SSBP2: variants seen among roughly 807,000 people sequenced by gnomAD.
SSBP2 encodes single-stranded DNA-binding protein 2.
A neutral mutation model predicts 61.8 loss-of-function variants in SSBP2; 17 were observed. That is an observed-to-expected ratio of 0.28 (90% CI 0.19 to 0.41). The LOEUF (loss-of-function observed/expected upper bound fraction) is 0.41, where lower values mean the gene tolerates loss of function less well. Ranked by LOEUF, SSBP2 falls within the 10% of genes least tolerant of loss-of-function variation. The probability of loss-of-function intolerance (pLI) is 1.00; values close to 1 mark genes in which losing one functional copy is unlikely to be tolerated. For missense variants in SSBP2, 310 were observed against 458.7 expected, an observed-to-expected ratio of 0.68 and a Z score of 2.96; for synonymous variants, 139 against 141.3, an observed-to-expected ratio of 0.98 and a Z score of 0.12.
chr5:81,543,673 A>G (rs924281201), intron 4 of SSBP2, among the ~76,000 whole-genome samples: 2 of 152,214 alleles, frequency 1.3e-5, no homozygotes, highest in Non-Finnish European at 2.9e-5. Context: ...TTGAAAAAAA[A>G]GAATTCCTAT....
intron 2 of SSBP2, among the ~76,000 whole-genome samples, chr5:81,648,454 C>G (rs1749458020): frequency 2.6e-5 from 4 of 152,000 alleles, no homozygotes; most frequent in Admixed American, 2.6e-4. Flanking sequence ...TTCACATATA[C>G]TAGTTAATTA....
chr5:81,485,089 T>C (rs1002741154), intron 6 of SSBP2, among the ~76,000 whole-genome samples: 1 of 152,304 alleles, frequency 6.6e-6, no homozygotes, highest in Non-Finnish European at 1.5e-5. Flanking sequence ...TTTTTCTGAT[T>C]GCATATTTTA....
chr5:81,481,655 T>C (rs1000961548), intron 6 of SSBP2, among the ~76,000 whole-genome samples: 2 of 149,668 alleles, frequency 1.3e-5, no homozygotes, highest in African/African-American at 2.5e-5. Flanking sequence ...GTAAAATTAC[T>C]CCTTGATTCA....
intron 3 of SSBP2, among the ~76,000 whole-genome samples, chr5:81,632,164 G>T (rs539063771): frequency 2.1e-4 from 32 of 152,060 alleles, no homozygotes; most frequent in Non-Finnish European, 2.8e-4. Context: ...AATGTCTTAC[G>T]CATTTCTTTT....
rs148405179 is a variant in SSBP2, at chr5:81,551,766, T to C, written c.283-38049A>G. On this transcript the variant is annotated intron_variant, in intron 4 of 16. Transcript: ENST00000320672. ...TTAAGTTTTGTGGAATGTAAAAATG[T>C]ATACTTTATTAAATTTAGAGACAGT... Among the ~76,000 whole-genome samples, 8 of 152,314 alleles carry C rather than the reference T, an allele frequency of 5.3e-5. No homozygotes were observed. The East Asian group carries it at 1.5e-3, about 29-fold the overall frequency.
chr5:81,693,160 C>T (rs1310480230), intron 1 of SSBP2, among the ~76,000 whole-genome samples: 2 of 146,130 alleles, frequency 1.4e-5, no homozygotes, highest in Admixed American at 7.0e-5. Flanking sequence ...GCCTAGATCA[C>T]GCCACTGCAC....
intron 4 of SSBP2, among the ~76,000 whole-genome samples, chr5:81,514,169 A>G (rs950935851): frequency 2.0e-5 from 3 of 152,256 alleles, no homozygotes; most frequent in African/African-American, 2.4e-5. Flanking sequence ...TTTATGTCAT[A>G]AACAAGTATA....
intron 4 of SSBP2, among the ~76,000 whole-genome samples, chr5:81,594,889 A>C (rs1324063553): frequency 2.6e-5 from 4 of 152,202 alleles, no homozygotes; most frequent in Non-Finnish European, 4.4e-5. Context: ...AAGAGAAAGC[A>C]GGAAAGATCT....
chr5:81,648,203 C>T (rs999444260), intron 2 of SSBP2, among the ~76,000 whole-genome samples: 1 of 152,026 alleles, frequency 6.6e-6, no homozygotes, highest in Admixed American at 6.6e-5. Flanking sequence ...ATCCTTTTTG[C>T]AATCTCAATC....
At chr5:81,641,872 T>C (rs935388156) in intron 2 of SSBP2, among the ~76,000 whole-genome samples, 2 of 151,926 alleles carry the variant, frequency 1.3e-5, no homozygotes, top group African/African-American at 4.8e-5. Context: ...TTTTTCAAGA[T>C]GGAAATTTGG....
chr5:81,507,422 A>G (rs747960376), intron 5 of SSBP2, among the ~76,000 whole-genome samples: 1 of 152,202 alleles, frequency 6.6e-6, no homozygotes, highest in Non-Finnish European at 1.5e-5. Context: ...TAATAAAACT[A>G]AAGATCTAGT....
Position 81,415,191 on chromosome 5 carries a change from C to T in SSBP2, c.*5313G>A, listed in dbSNP as rs1761257962. On this transcript the variant is annotated 3_prime_UTR_variant, in exon 17 of 17. Coordinates refer to ENST00000320672, the MANE Select transcript of SSBP2 (RefSeq NM_012446.5). The stretch of plus-strand genomic sequence containing the variant: ...CTACTTTTGGCAAATATATGGCAAC[C>T]TTGTCCCCCATACTGGATTACTCCC... The T allele has an allele frequency of 6.6e-6, 1 of 152,188 alleles. No homozygotes were observed. The highest frequency in any genetic ancestry group is 1.5e-5 in the Non-Finnish European group (1 of 68,030). The allele number at this position is 152,188 out of a possible 1,614,324, so 9.4% of individuals were successfully genotyped here.
intron 1 of SSBP2, among the ~76,000 whole-genome samples, chr5:81,690,893 C>T (rs535177755): frequency 1.3e-5 from 2 of 152,146 alleles, no homozygotes; most frequent in South Asian, 4.2e-4. Flanking sequence ...TGAAATAAAA[C>T]CAGAACTCGG....
chr5:81,466,191 C>T lies in SSBP2; in HGVS notation c.638+783G>A, dbSNP rs781257846. On this transcript the variant is annotated intron_variant, in intron 9 of 16. Coordinates refer to ENST00000320672, the MANE Select transcript of SSBP2 (RefSeq NM_012446.5). ...ATTTTCTTTAGGCCACATCATGAAA[C>T]TGATCCTCTTGTGAATTAATGAAAG... is the stretch of plus-strand genomic sequence containing the variant. Among the ~76,000 whole-genome samples the T allele has an allele frequency of 2.1e-4, 32 of 152,108 alleles. 1 individual carries two copies. Among genetic ancestry groups the T allele is most frequent in the Non-Finnish European group, 3.7e-4 (25 of 67,916 alleles).
chr5:81,524,523 A>T (rs940197051), intron 4 of SSBP2, among the ~76,000 whole-genome samples: 1 of 152,014 alleles, frequency 6.6e-6, no homozygotes, highest in Non-Finnish European at 1.5e-5. Flanking sequence ...CTCCTAAATG[A>T]CTATTTCATT....
chr5:81,570,545 G>C (rs2153443812), intron 4 of SSBP2, among the ~76,000 whole-genome samples: 1 of 152,290 alleles, frequency 6.6e-6, no homozygotes, highest in African/African-American at 2.4e-5. Context: ...CGACCAATCA[G>C]AGATGCTGTG....
intron 10 of SSBP2, among the ~76,000 whole-genome samples, chr5:81,459,857 T>C (rs1040035413): frequency 6.6e-6 from 1 of 152,186 alleles, no homozygotes; most frequent in African/African-American, 2.4e-5. Flanking sequence ...AAAGGTACTC[T>C]ATTCCAACAC....
At chr5:81,480,892 C>T (rs964312796) in intron 6 of SSBP2, among the ~76,000 whole-genome samples, 1 of 152,178 alleles carries the variant, frequency 6.6e-6, no homozygotes, top group Non-Finnish European at 1.5e-5. Flanking sequence ...AATTCTAAAT[C>T]CTTTGTTGTC....
At chr5:81,612,934 G>A (rs991717380) in intron 4 of SSBP2, among the ~76,000 whole-genome samples, 2 of 151,826 alleles carry the variant, frequency 1.3e-5, no homozygotes, top group African/African-American at 4.8e-5. Flanking sequence ...ATATTTACAT[G>A]TTAGAAATAA....
Sources: allele counts gnomAD v4.1 joint callset (sites outside exome capture counted in the v4.1 genomes callset), GRCh38; gene constraint gnomAD v4.1.1; transcripts MANE v1.5; gene names NCBI Gene and HGNC (gene_info 2026-07-23, HGNC 2026-07-21).